PDGFD: variants seen among roughly 807,000 people sequenced by gnomAD.
PDGFD encodes the protein platelet derived growth factor D, also known as platelet-derived growth factor D.
In PDGFD, 30 loss-of-function variants were observed where a neutral mutation model predicts 44.7. The ratio of observed to expected loss-of-function variants is 0.67; its 90% CI spans 0.50 to 0.91. The LOEUF (loss-of-function observed/expected upper bound fraction) is 0.91, where lower values mean the gene tolerates loss of function less well. Among genes scored for constraint, PDGFD ranks in the 40% least tolerant of loss-of-function variants. The pLI, the probability that PDGFD is intolerant of heterozygous loss-of-function variation, is 0.00. For synonymous variants in PDGFD, 173 were observed against 168.4 expected (o/e 1.03, Z -0.21); for missense variants, 445 against 457.8 (o/e 0.97, Z 0.25).
At chr11:104,040,418 C>T (rs561042379) in intron 1 of PDGFD, among the ~76,000 whole-genome samples, 39 of 152,034 alleles carry the variant, frequency 2.6e-4, no homozygotes, top group African/African-American at 7.7e-4. Context: ...TTTTAAAAAT[C>T]GTCTTTCAAA....
At chr11:104,099,171 A>G (rs1381499213) in intron 1 of PDGFD, among the ~76,000 whole-genome samples, 1 of 152,194 alleles carries the variant, frequency 6.6e-6, no homozygotes, top group Non-Finnish European at 1.5e-5. Context: ...TCATCAGCAG[A>G]GCCAAAATTT....
rs369482332 is a variant in PDGFD at position 104,013,298 on chromosome 11, T to C, written c.125-13043A>G. Among the ~76,000 whole-genome samples the C allele has an allele frequency of 2.7e-4, 41 of 152,276 alleles. No individual in the cohort carries two copies. In the South Asian group the frequency reaches 5.8e-3, roughly 22 times the overall value. ...TCTGTGTGACCTGATTCCTCCTGCA[T>C]ACCAGACAAGAACCCAGGTACCAAG... On this transcript the variant is annotated intron_variant, in intron 1 of 6. Coordinates refer to ENST00000393158, the MANE Select transcript of PDGFD (RefSeq NM_025208.5).
intron 2 of PDGFD, among the ~76,000 whole-genome samples, chr11:103,998,303 A>T (rs901124781): frequency 3.3e-5 from 5 of 152,124 alleles, no homozygotes; most frequent in Non-Finnish European, 5.9e-5. Flanking sequence ...TTCAGAATGG[A>T]GGCTCATCAC....
At chr11:104,091,632 C>A (rs1382892398) in intron 1 of PDGFD, among the ~76,000 whole-genome samples, 1 of 152,078 alleles carries the variant, frequency 6.6e-6, no homozygotes, top group Admixed American at 6.6e-5. Context: ...TTAACTATGC[C>A]CTTCAATGAG....
At chr11:104,151,130 C>T (rs867436967) in intron 1 of PDGFD, among the ~76,000 whole-genome samples, 1 of 152,096 alleles carries the variant, frequency 6.6e-6, no homozygotes, top group Non-Finnish European at 1.5e-5. Flanking sequence ...ATAGAAAGCT[C>T]GCTCTCTCTC....
chr11:104,110,159 A>G (rs1157814411), intron 1 of PDGFD, among the ~76,000 whole-genome samples: 1 of 152,168 alleles, frequency 6.6e-6, no homozygotes, highest in Non-Finnish European at 1.5e-5. Context: ...ATTTTCCTAA[A>G]CTGAGATTTG....
chr11:103,984,005 A>C (rs1040349373), intron 3 of PDGFD, among the ~76,000 whole-genome samples: 2 of 151,856 alleles, frequency 1.3e-5, no homozygotes, highest in Middle Eastern at 3.4e-3. Flanking sequence ...GTGACTCCTC[A>C]ATGGCCTAAA....
rs1256431299 is a variant in PDGFD at position 103,939,181 on chromosome 11, C to T, written c.772+4271G>A. ...TTTTCACGATATTGATTATTCCTAC[C>T]CATGAGCATGGAATGTTCTTCCATT... On this transcript the variant is annotated intron_variant, in intron 5 of 6. Coordinates refer to ENST00000393158, the MANE Select transcript of PDGFD (RefSeq NM_025208.5). Among the ~76,000 whole-genome samples, 13 of 152,084 alleles carry T rather than the reference C, an allele frequency of 8.5e-5. 1 individual carries two copies. Among genetic ancestry groups the T allele is most frequent in the Admixed American group, 8.5e-4 (13 of 15,266 alleles).
intron 1 of PDGFD, among the ~76,000 whole-genome samples, chr11:104,110,114 C>T (rs1333640173): frequency 6.6e-6 from 1 of 151,976 alleles, no homozygotes; most frequent in African/African-American, 2.4e-5. Context: ...ATATAAAATA[C>T]ATGTTTTCAT....
chr11:103,928,150 T>A (rs1222377856), intron 5 of PDGFD, among the ~76,000 whole-genome samples: 2 of 152,252 alleles, frequency 1.3e-5, no homozygotes, highest in African/African-American at 4.8e-5. Flanking sequence ...TTCGCATTAT[T>A]GTGTTACATA....
intron 1 of PDGFD, among the ~76,000 whole-genome samples, chr11:104,033,236 G>T (rs1394174403): frequency 1.3e-5 from 2 of 152,056 alleles, no homozygotes; most frequent in East Asian, 3.9e-4. Context: ...TGTATACACA[G>T]AAGTACTAAA....
At chr11:103,914,754 C>A (rs1352564303) in intron 6 of PDGFD, among the ~76,000 whole-genome samples, 5 of 152,272 alleles carry the variant, frequency 3.3e-5, no homozygotes, top group African/African-American at 1.2e-4. Flanking sequence ...CTACCATGAT[C>A]AAGTTGGCGT....
chr11:104,057,515 G>A (rs1671145321), intron 1 of PDGFD, among the ~76,000 whole-genome samples: 1 of 151,966 alleles, frequency 6.6e-6, no homozygotes, highest in African/African-American at 2.4e-5. Context: ...CAGAAAATGA[G>A]GACTACTAGA....
chr11:104,122,671 A>C lies in PDGFD; in HGVS notation c.124+41133T>G, dbSNP rs140645960. ...ACCTCGGGTATAACCCCAGACAATG[A>C]GGCCACTTCATTATGTAATACTGAA... On this transcript the variant is annotated intron_variant, in intron 1 of 6. Transcript: ENST00000393158. 2.7e-3 allele frequency among the ~76,000 whole-genome samples: 414 copies of C among 152,182 alleles called. 3 individuals are homozygous for C. Among genetic ancestry groups the C allele is most frequent in the African/African-American group, 9.4e-3 (392 of 41,556 alleles).
At chr11:104,117,580 C>T (rs939492598) in intron 1 of PDGFD, among the ~76,000 whole-genome samples, 3 of 152,034 alleles carry the variant, frequency 2.0e-5, no homozygotes, top group East Asian at 3.9e-4. Context: ...CTCTTCTATA[C>T]ACCAAAAAGC....
intron 1 of PDGFD, chr11:104,037,003 C>G: frequency 6.2e-7 from 1 of 1,614,242 alleles, no homozygotes; most frequent in Non-Finnish European, 8.5e-7. Flanking sequence ...CCACTGTTCC[C>G]TGGGCTCCTA....
chr11:104,151,916 G>A (rs954447733), intron 1 of PDGFD, among the ~76,000 whole-genome samples: 6 of 151,716 alleles, frequency 4.0e-5, no homozygotes, highest in Admixed American at 1.3e-4. Flanking sequence ...ACGGAATCTC[G>A]AAGTTGAGAA....
At chr11:103,991,433 G>A (rs1299268697) in intron 3 of PDGFD, among the ~76,000 whole-genome samples, 4 of 151,780 alleles carry the variant, frequency 2.6e-5, no homozygotes, top group Non-Finnish European at 5.9e-5. Flanking sequence ...GGAAATAACG[G>A]CATCACTTTA....
At chr11:104,142,925 G>A (rs1161334008) in intron 1 of PDGFD, among the ~76,000 whole-genome samples, 4 of 152,130 alleles carry the variant, frequency 2.6e-5, no homozygotes, top group Non-Finnish European at 4.4e-5. Flanking sequence ...AATCATTCCT[G>A]TAACTACAGG....
Sources: allele counts gnomAD v4.1 joint callset (sites outside exome capture counted in the v4.1 genomes callset), GRCh38; gene constraint gnomAD v4.1.1; transcripts MANE v1.5; gene names NCBI Gene and HGNC (gene_info 2026-07-23, HGNC 2026-07-21).